Variants in NEBL observed in about 807,000 individuals in gnomAD.
NEBL encodes the protein nebulette, also known as LIM and SH3 protein 2.
A neutral mutation model predicts 140.2 loss-of-function variants in NEBL; 122 were observed. The observed-to-expected ratio is 0.87, with a 90% confidence interval of 0.75 to 1.01. The LOEUF is 1.01. Ranked by LOEUF, NEBL falls within the 50% of genes least tolerant of loss-of-function variation. The pLI is 0.00. For missense variants in NEBL, 1,365 were observed against 1,231.3 expected (o/e 1.11, Z -1.62); for synonymous variants, 436 against 398.9 (o/e 1.09, Z -1.11).
chr10:21,271,552 G>C (rs1027918739), intron 1 of NEBL, among the ~76,000 whole-genome samples: 6 of 147,324 alleles, frequency 4.1e-5, no homozygotes, highest in Non-Finnish European at 8.9e-5. Flanking sequence ...TCTAGATGGA[G>C]TTCCACTTTG....
At chr10:21,082,343 A>T (rs1252192017) in intron 2 of NEBL, among the ~76,000 whole-genome samples, 7 of 152,154 alleles carry the variant, frequency 4.6e-5, no homozygotes, top group Non-Finnish European at 1.0e-4. Context: ...AATAAATATT[A>T]GTGTTCTGAT....
intron 1 of NEBL, among the ~76,000 whole-genome samples, chr10:21,264,672 C>A (rs1320286042): frequency 1.1e-4 from 14 of 129,104 alleles, no homozygotes; most frequent in African/African-American, 3.9e-4. Flanking sequence ...AGCATTGGTC[C>A]CTTAATTTGT....
chr10:20,885,593 G>A (rs1846445652), intron 4 of NEBL, among the ~76,000 whole-genome samples: 1 of 152,168 alleles, frequency 6.6e-6, no homozygotes, highest in African/African-American at 2.4e-5. Context: ...GCAGGGATTT[G>A]TGTATTACAG....
At chr10:20,976,920 A>G (rs893160250) in intron 3 of NEBL, among the ~76,000 whole-genome samples, 1 of 147,614 alleles carries the variant, frequency 6.8e-6, no homozygotes, top group African/African-American at 2.6e-5. Context: ...CTGAATCTAC[A>G]TTAAAAAAAA....
chr10:21,272,118 A>ATTTTT (rs10678454), intron 1 of NEBL, among the ~76,000 whole-genome samples: 26 of 79,094 alleles, frequency 3.3e-4, no homozygotes, highest in Middle Eastern at 0.011. Flanking sequence ...CACTTGGTTA[A>ATTTTT]TTTTTTTTTT....
chr10:21,281,374 C>G (rs1382854856), intron 1 of NEBL, among the ~76,000 whole-genome samples: 1 of 151,976 alleles, frequency 6.6e-6, no homozygotes, highest in African/African-American at 2.4e-5. Context: ...ATTGCCCAGG[C>G]TGGTCTCAAA....
intron 2 of NEBL, among the ~76,000 whole-genome samples, chr10:21,077,151 T>C (rs1454153044): frequency 1.3e-5 from 2 of 152,122 alleles, no homozygotes; most frequent in Non-Finnish European, 2.9e-5. Flanking sequence ...AAAATTAAGG[T>C]AAGTTATTGG....
chr10:21,186,009 G>C (rs1484965621), intron 3 of NEBL, among the ~76,000 whole-genome samples: 2 of 151,904 alleles, frequency 1.3e-5, no homozygotes, highest in East Asian at 3.9e-4. Context: ...GTGCTATTGG[G>C]GCTTCCATTC....
At chr10:20,983,976 A>G (rs1837153703) in intron 3 of NEBL, among the ~76,000 whole-genome samples, 2 of 152,220 alleles carry the variant, frequency 1.3e-5, no homozygotes, top group Admixed American at 6.5e-5. Context: ...TCTATTTTGC[A>G]AATCTATGTA....
At chr10:21,030,598 G>A in intron 2 of NEBL, 1 of 617,972 alleles carries the variant, frequency 1.6e-6, no homozygotes. Flanking sequence ...TGGGGGAAAA[G>A]TAACTCCAGC....
intron 3 of NEBL, among the ~76,000 whole-genome samples, chr10:20,977,196 C>T (rs1398247728): frequency 6.6e-6 from 1 of 152,034 alleles, no homozygotes; most frequent in East Asian, 1.9e-4. Context: ...AGATAGAAGC[C>T]GGAAGTCAGC....
chr10:21,014,412 T>C (rs971530491), intron 3 of NEBL, among the ~76,000 whole-genome samples: 9 of 152,166 alleles, frequency 5.9e-5, no homozygotes, highest in African/African-American at 2.2e-4. Context: ...CGGTATCCAG[T>C]GGCAAAAGAA....
At chr10:20,949,387 A>T (rs1835338400) in intron 4 of NEBL, among the ~76,000 whole-genome samples, 1 of 152,202 alleles carries the variant, frequency 6.6e-6, no homozygotes, top group Non-Finnish European at 1.5e-5. Context: ...TAGGTACAGC[A>T]AACCACCATG....
intron 3 of NEBL, among the ~76,000 whole-genome samples, chr10:20,971,612 ATTT>A (rs1232484471): frequency 1.4e-5 from 1 of 71,010 alleles, no homozygotes; most frequent in African/African-American, 5.3e-5. Flanking sequence ...CAACCCTAGA[ATTT>A]TTTTTTTTTT....
chr10:21,208,006 AC>A (rs1163036039), intron 3 of NEBL, among the ~76,000 whole-genome samples: 11 of 152,156 alleles, frequency 7.2e-5, no homozygotes, highest in Non-Finnish European at 1.5e-4. Flanking sequence ...TAACAAACCA[AC>A]TACACTGAGA....
chr10:21,286,099 T>C (rs12259097), intron 1 of NEBL, among the ~76,000 whole-genome samples: 11,441 of 152,298 alleles, frequency 0.075, 527 homozygotes, highest in South Asian at 0.2. Flanking sequence ...ACCTTGGCTC[T>C]TTCTCAGCCT....
chr10:21,099,608 G>C (rs1837376545), intron 2 of NEBL, among the ~76,000 whole-genome samples: 1 of 152,042 alleles, frequency 6.6e-6, no homozygotes, highest in Non-Finnish European at 1.5e-5. Flanking sequence ...GCTCTACAAA[G>C]GGCCGTAACT....
chr10:20,977,661 C>A (rs1836859609), intron 3 of NEBL, among the ~76,000 whole-genome samples: 1 of 152,146 alleles, frequency 6.6e-6, no homozygotes, highest in Non-Finnish European at 1.5e-5. Context: ...AATCAAAAGA[C>A]CCCGCACTGG....
Position 20,800,928 on chromosome 10 carries a change from C to T in NEBL, c.2761+7582G>A, listed in dbSNP as rs866967747. Among the ~76,000 whole-genome samples the T allele has an allele frequency of 4.1e-4, 62 of 151,930 alleles. No homozygotes were observed. The Middle Eastern group carries it at 0.017, about 42-fold the overall frequency. On this transcript the variant is annotated intron_variant, in intron 26 of 27. Coordinates refer to ENST00000377122, the MANE Select transcript of NEBL (RefSeq NM_006393.3). The stretch of plus-strand genomic sequence containing the variant: ...TGTAGGTCACTGGTCCTCTAAATAG[C>T]GTTTAAGTCTCCTACAGGATAAAAT...
Sources: allele counts gnomAD v4.1 joint callset (sites outside exome capture counted in the v4.1 genomes callset), GRCh38; gene constraint gnomAD v4.1.1; transcripts MANE v1.5; gene names NCBI Gene and HGNC (gene_info 2026-07-23, HGNC 2026-07-21).